The following MACROD2 variants were observed in gnomAD, a reference collection of about 807,000 sequenced individuals.
The protein encoded by MACROD2 is mono-ADP ribosylhydrolase 2, also known as ADP-ribose glycohydrolase MACROD2.
Under a neutral mutation model 70.4 loss-of-function variants are expected in MACROD2, and 36 were observed. The observed-to-expected ratio is 0.51, with a 90% CI of 0.39 to 0.68. MACROD2 has a LOEUF of 0.68. Among genes scored for constraint, MACROD2 ranks in the 30% least tolerant of loss-of-function variants. The probability of loss-of-function intolerance (pLI) is 0.00; values close to 1 mark genes in which losing one functional copy is unlikely to be tolerated. For missense variants in MACROD2, 496 were observed against 538.4 expected (o/e 0.92, Z 0.78); for synonymous variants, 172 against 178.8 (o/e 0.96, Z 0.30).
In MACROD2 at chr20:15,180,285, A is replaced by G. The variant is rs189863675; in HGVS notation, c.419-49655A>G. ...TCAACTACAATGACTGTTGATTACA[A>G]GGAACCTGAAAATACTTTTTTTTAT... On this transcript the variant is annotated intron_variant, in intron 5 of 17. Transcript: ENST00000684519. Among the ~76,000 whole-genome samples the G allele has an allele frequency of 1.1e-3, 161 of 152,366 alleles. 1 individual carries two copies. The highest frequency in any genetic ancestry group is 3.8e-3 in the African/African-American group (157 of 41,592).
intron 2 of MACROD2, among the ~76,000 whole-genome samples, chr20:14,056,829 CTT>C (rs11355926): frequency 2.6e-4 from 38 of 146,590 alleles, no homozygotes; most frequent in Admixed American, 1.2e-3. Flanking sequence ...ATTCAGATCT[CTT>C]TTTTTTTTTA....
At chr20:15,687,418 A>G (rs1399906829) in intron 8 of MACROD2, among the ~76,000 whole-genome samples, 1 of 151,974 alleles carries the variant, frequency 6.6e-6, no homozygotes, top group Non-Finnish European at 1.5e-5. Context: ...CAACATCATC[A>G]TCATAAGTTC....
At chr20:15,476,935 G>A (rs572117086) in intron 7 of MACROD2, among the ~76,000 whole-genome samples, 2 of 152,062 alleles carry the variant, frequency 1.3e-5, no homozygotes, top group African/African-American at 4.8e-5. Context: ...GAAAAATCTC[G>A]AATTACTCAT....
intron 5 of MACROD2, among the ~76,000 whole-genome samples, chr20:14,762,854 C>T (rs2072034790): frequency 6.6e-6 from 1 of 152,002 alleles, no homozygotes; most frequent in Admixed American, 6.5e-5. Context: ...TGCTTGAACC[C>T]AGGAGGTAGA....
chr20:15,198,886 C>A lies in MACROD2; in HGVS notation c.419-31054C>A, dbSNP rs146250396. The stretch of plus-strand genomic sequence containing the variant: ...TTATGTGTGCTTATCTCATGGCCTC[C>A]TGACTGGGTTCGAGTTTCATAGATT... On this transcript the variant is annotated intron_variant, in intron 5 of 17. Coordinates refer to ENST00000684519, the MANE Select transcript of MACROD2 (RefSeq NM_001351661.2). Among the ~76,000 whole-genome samples the A allele has an allele frequency of 2.5e-3, 384 of 152,252 alleles. 1 individual carries two copies. The highest frequency in any genetic ancestry group is 4.4e-3 in the Non-Finnish European group (301 of 68,016).
intron 3 of MACROD2, among the ~76,000 whole-genome samples, chr20:14,413,696 A>G (rs1325918421): frequency 6.6e-6 from 1 of 152,222 alleles, no homozygotes; most frequent in Non-Finnish European, 1.5e-5. Context: ...TTGCTACTTG[A>G]GAAATCAATA....
intron 5 of MACROD2, among the ~76,000 whole-genome samples, chr20:14,898,367 G>T (rs886888609): frequency 3.9e-5 from 6 of 152,046 alleles, no homozygotes; most frequent in Non-Finnish European, 7.4e-5. Context: ...GAGCTCACTG[G>T]TTACCATATA....
At chr20:15,575,187 T>C (rs561298720) in intron 8 of MACROD2, among the ~76,000 whole-genome samples, 2 of 152,340 alleles carry the variant, frequency 1.3e-5, no homozygotes, top group South Asian at 2.1e-4. Context: ...TATATTTTTT[T>C]CTTGCAAGGT....
intron 6 of MACROD2, among the ~76,000 whole-genome samples, chr20:15,418,633 T>C (rs894968757): frequency 1.3e-5 from 2 of 152,196 alleles, no homozygotes; most frequent in Non-Finnish European, 2.9e-5. Context: ...GTACAACTTA[T>C]TAAGAAAACC....
intron 4 of MACROD2, among the ~76,000 whole-genome samples, chr20:14,600,136 A>G (rs1376687518): frequency 6.6e-6 from 1 of 152,096 alleles, no homozygotes; most frequent in Non-Finnish European, 1.5e-5. Context: ...CAAGGCCGTC[A>G]TCATCAATGC....
chr20:14,261,254 T>G (rs981983720), intron 3 of MACROD2, among the ~76,000 whole-genome samples: 1 of 93,738 alleles, frequency 1.1e-5, no homozygotes, highest in African/African-American at 3.0e-5. Context: ...GGAACATCAG[T>G]AAGTGAAGTT....
chr20:15,527,572 A>G (rs959571351), intron 8 of MACROD2, among the ~76,000 whole-genome samples: 3 of 152,138 alleles, frequency 2.0e-5, no homozygotes, highest in Admixed American at 6.5e-5. Flanking sequence ...TTTTCTCCCT[A>G]TATCATAACT....
intron 6 of MACROD2, among the ~76,000 whole-genome samples, chr20:15,269,621 A>G (rs1211460925): frequency 6.6e-6 from 1 of 152,150 alleles, no homozygotes; most frequent in Non-Finnish European, 1.5e-5. Context: ...ATTTGATTAT[A>G]TGCTTAGGGG....
intron 5 of MACROD2, among the ~76,000 whole-genome samples, chr20:14,871,697 A>G (rs1242938700): frequency 6.6e-6 from 1 of 152,168 alleles, no homozygotes; most frequent in African/African-American, 2.4e-5. Flanking sequence ...TAAGTGGGCT[A>G]AATACCCCAA....
chr20:14,142,287 G>T lies in MACROD2; in HGVS notation c.271+56559G>T, dbSNP rs1161624786. Reference sequence around the variant, plus strand: ...CAGAGGTGACTCGTTTTTGTCACCAGGGTGTGCTGTGATTCCACCAGTCTG... The same window carrying T: ...CAGAGGTGACTCGTTTTTGTCACCATGGTGTGCTGTGATTCCACCAGTCTG... On this transcript the variant is annotated intron_variant, in intron 3 of 17. Transcript: ENST00000684519. 2.6e-5 allele frequency among the ~76,000 whole-genome samples: 4 copies of T among 152,160 alleles called. No individual in the cohort carries two copies. In the East Asian group the frequency reaches 7.7e-4, roughly 29 times the overall value.
chr20:14,252,879 A>G (rs2082023966), intron 3 of MACROD2, among the ~76,000 whole-genome samples: 1 of 151,788 alleles, frequency 6.6e-6, no homozygotes. Flanking sequence ...AAAATGTTTT[A>G]TTTTTCTTTT....
chr20:14,791,113 A>G (rs1416362921), intron 5 of MACROD2, among the ~76,000 whole-genome samples: 1 of 152,104 alleles, frequency 6.6e-6, no homozygotes, highest in Non-Finnish European at 1.5e-5. Context: ...TATATGCAAT[A>G]TCTATATTTG....
At chr20:15,399,924 G>C (rs2045907854) in intron 6 of MACROD2, among the ~76,000 whole-genome samples, 1 of 152,186 alleles carries the variant, frequency 6.6e-6, no homozygotes, top group African/African-American at 2.4e-5. Flanking sequence ...TCTGCTATGA[G>C]AGGGGTCATT....
intron 4 of MACROD2, among the ~76,000 whole-genome samples, chr20:14,594,623 G>T (rs1016845352): frequency 1.3e-5 from 2 of 152,234 alleles, no homozygotes; most frequent in African/African-American, 4.8e-5. Context: ...ACTGGGCGCG[G>T]TGGCTCACGC....
Sources: gnomAD v4.1 joint callset for allele counts (sites outside exome capture counted in the v4.1 genomes callset) on GRCh38, gnomAD v4.1.1 for gene constraint, MANE v1.5 for transcripts, NCBI Gene and HGNC (gene_info 2026-07-23, HGNC 2026-07-21) for gene names.